CCDC170: variants seen among roughly 807,000 people sequenced by gnomAD.
CCDC170 encodes the protein coiled-coil domain-containing protein 170.
In CCDC170, 69 loss-of-function variants were observed where a neutral mutation model predicts 72.6. That is an observed-to-expected ratio of 0.95 (90% CI 0.78 to 1.16). CCDC170 has a LOEUF of 1.16. Among genes scored for constraint, CCDC170 ranks in the 50% most tolerant of loss-of-function variants. The probability of loss-of-function intolerance (pLI) is 0.00; values close to 1 mark genes in which losing one functional copy is unlikely to be tolerated. For synonymous variants in CCDC170, 300 were observed against 303.9 expected (o/e 0.99, Z 0.13); for missense variants, 852 against 832.5 (o/e 1.02, Z -0.29).
At chr6:151,612,693 C>G (rs549230465) in intron 9 of CCDC170, among the ~76,000 whole-genome samples, 1 of 152,078 alleles carries the variant, frequency 6.6e-6, no homozygotes, top group Non-Finnish European at 1.5e-5. Flanking sequence ...CAAATTCTAC[C>G]CTAGAAGCAA....
At chr6:151,551,861 T>C (rs1269727314) in intron 5 of CCDC170, among the ~76,000 whole-genome samples, 2 of 151,992 alleles carry the variant, frequency 1.3e-5, no homozygotes. Context: ...AGATAATCAG[T>C]GTTTGTTGTT....
At position 151,536,369 on chromosome 6, in the gene CCDC170, C is replaced by G. The variant is rs1782581288; in HGVS notation, c.109C>G (p.His37Asp). The G allele has an allele frequency of 6.2e-7, 1 of 1,614,044 alleles. No individual in the cohort carries two copies. The change falls in exon 2 of 11, where the codon CAC becomes GAC. Residue 37 changes from histidine (H) to aspartate (D), a missense_variant. Physicochemically the swap from His to Asp is moderately conservative, Grantham distance 81. Transcript: ENST00000239374. ...EVPVTREQLN[H>D]YRNVAQNARS... ...CCCGGTCACGCGGGAGCAGTTAAAC[C>G]ACTATCGGAATGTGGCTCAAAATGC... is the stretch of plus-strand genomic sequence containing the variant.
chr6:151,550,963 A>T (rs976095625), intron 5 of CCDC170, among the ~76,000 whole-genome samples: 1 of 152,216 alleles, frequency 6.6e-6, no homozygotes, highest in East Asian at 1.9e-4. Context: ...GATACAAATC[A>T]GTCCATAGTA....
At chr6:151,534,107 G>A (rs1261026676) in intron 1 of CCDC170, among the ~76,000 whole-genome samples, 3 of 143,668 alleles carry the variant, frequency 2.1e-5, no homozygotes, top group African/African-American at 7.8e-5. Context: ...CTCTGCTGCT[G>A]AGGTTGGAGT....
At chr6:151,609,223 C>A (rs1436180927) in intron 9 of CCDC170, among the ~76,000 whole-genome samples, 1 of 152,012 alleles carries the variant, frequency 6.6e-6, no homozygotes, top group Non-Finnish European at 1.5e-5. Context: ...ATGATGTTTG[C>A]TACTTAGTTA....
chr6:151,600,365 C>G (rs1357972867), intron 9 of CCDC170, among the ~76,000 whole-genome samples: 1 of 152,178 alleles, frequency 6.6e-6, no homozygotes, highest in East Asian at 1.9e-4. Context: ...CTACCACAAA[C>G]TGGGTGGCTT....
chr6:151,527,524 ATTGGAGAAATGCAACT>A (rs1409647687), intron 1 of CCDC170, among the ~76,000 whole-genome samples: 2 of 152,306 alleles, frequency 1.3e-5, no homozygotes, highest in African/African-American at 4.8e-5. Context: ...GAATGATAAC[ATTGGAGAAATGCAACT>A]TTCAAGACTT....
rs550595931 is a variant in CCDC170 at position 151,543,910 on chromosome 6, A to C, written c.444-662A>C. ...TGATTCCCTATCTTTGCTATTATGA[A>C]TAGAACTGCAGTAAACATGGGGGTT... On this transcript the variant is annotated intron_variant, in intron 3 of 10. Coordinates refer to ENST00000239374, the MANE Select transcript of CCDC170 (RefSeq NM_025059.4). Among the ~76,000 whole-genome samples, 7 of 152,282 alleles carry C rather than the reference A, an allele frequency of 4.6e-5. No homozygotes were observed. The South Asian group carries it at 1.2e-3, about 27-fold the overall frequency.
intron 6 of CCDC170, among the ~76,000 whole-genome samples, chr6:151,582,986 CTTTTTT>C (rs35947074): frequency 4.2e-5 from 4 of 94,234 alleles, no homozygotes; most frequent in African/African-American, 1.5e-4. Context: ...TGGAGTAGCA[CTTTTTT>C]TTTTTTTTTT....
intron 1 of CCDC170, among the ~76,000 whole-genome samples, chr6:151,532,959 C>A (rs17054385): frequency 4.6e-5 from 7 of 152,116 alleles, no homozygotes; most frequent in African/African-American, 1.7e-4. Flanking sequence ...CTTGCCTGCA[C>A]GGGCCAGATC....
At chr6:151,508,870 C>T (rs1177496231) in intron 1 of CCDC170, among the ~76,000 whole-genome samples, 1 of 151,830 alleles carries the variant, frequency 6.6e-6, no homozygotes, top group Non-Finnish European at 1.5e-5. Context: ...ACAAAATTAG[C>T]CGGGCGTGGT....
chr6:151,581,561 C>A (rs1776379771), intron 6 of CCDC170, among the ~76,000 whole-genome samples: 2 of 152,274 alleles, frequency 1.3e-5, no homozygotes, highest in South Asian at 4.1e-4. Context: ...TCATAGATGA[C>A]ACCTATGATG....
intron 1 of CCDC170, 34 bp downstream of exon 1, chr6:151,494,219 G>T: frequency 6.7e-7 from 1 of 1,488,388 alleles, no homozygotes. Context: ...GCGCGGGGGT[G>T]GCCCTGGGGA....
chr6:151,537,819 A>G (rs892760522), intron 2 of CCDC170, among the ~76,000 whole-genome samples: 2 of 152,218 alleles, frequency 1.3e-5, no homozygotes, highest in African/African-American at 4.8e-5. Flanking sequence ...ACTAAACAAC[A>G]TAAGACATTG....
At chr6:151,548,747 T>C (rs1337276234) in intron 5 of CCDC170, among the ~76,000 whole-genome samples, 1 of 151,644 alleles carries the variant, frequency 6.6e-6, no homozygotes, top group Non-Finnish European at 1.5e-5. Context: ...TGAGAAGGAG[T>C]CTCACTCTGT....
chr6:151,597,089 G>C (rs1776638246), intron 9 of CCDC170, among the ~76,000 whole-genome samples: 2 of 152,110 alleles, frequency 1.3e-5, no homozygotes, highest in East Asian at 1.9e-4. Flanking sequence ...GCCTCCCAAA[G>C]TGCTGGGATT....
intron 4 of CCDC170, among the ~76,000 whole-genome samples, chr6:151,545,518 G>A (rs899822408): frequency 1.3e-4 from 20 of 152,116 alleles, no homozygotes; most frequent in African/African-American, 4.8e-4. Flanking sequence ...TTGGCCCATA[G>A]TGCTTCATTA....
At chr6:151,586,890 T>C (rs1216318553) in intron 7 of CCDC170, among the ~76,000 whole-genome samples, 2 of 152,066 alleles carry the variant, frequency 1.3e-5, no homozygotes, top group Non-Finnish European at 2.9e-5. Context: ...GTTCACACCA[T>C]TCTCCTGCCT....
Position 151,573,599 on chromosome 6 carries a change from C to T in CCDC170, c.1092+108C>T, listed in dbSNP as rs550483019. The T allele has an allele frequency of 9.1e-4, 948 of 1,042,786 alleles. 4 individuals are homozygous for T. The highest frequency in any genetic ancestry group is 1.2e-3 in the Non-Finnish European group (852 of 720,620). 64.6% of individuals were successfully genotyped at this position (1,042,786 alleles called of 1,614,324 possible). A position where few individuals can be genotyped will look rare whatever the true frequency, so the allele number is the denominator to read the frequency against. ...TTCTCACGCTGCTATAAGAAATACC[C>T]GAGACTGGGTAATTTATAAAGACAA... On this transcript the variant is annotated intron_variant, in intron 6 of 10. Transcript: ENST00000239374.
Sources: gnomAD v4.1 joint callset for allele counts (sites outside exome capture counted in the v4.1 genomes callset) on GRCh38, gnomAD v4.1.1 for gene constraint, MANE v1.5 for transcripts, NCBI Gene and HGNC (gene_info 2026-07-23, HGNC 2026-07-21) for gene names.